The following KMT2C variants were observed in gnomAD, a reference collection of about 807,000 sequenced individuals.
KMT2C encodes histone-lysine N-methyltransferase 2C.
In KMT2C, 88 loss-of-function variants were observed where a neutral mutation model predicts 507.9. That is an observed-to-expected ratio of 0.17 (90% CI 0.15 to 0.21). The LOEUF (loss-of-function observed/expected upper bound fraction) is 0.21, where lower values mean the gene tolerates loss of function less well. Among genes scored for constraint, KMT2C ranks in the 10% least tolerant of loss-of-function variants. The probability of loss-of-function intolerance (pLI) is 1.00; values close to 1 mark genes in which losing one functional copy is unlikely to be tolerated. For synonymous variants in KMT2C, 2,049 were observed against 2,080.8 expected, an observed-to-expected ratio of 0.98 and a Z score of 0.42; for missense variants, 4,954 against 5,957.8, an observed-to-expected ratio of 0.83 and a Z score of 5.55.
intron 37 of KMT2C, among the ~76,000 whole-genome samples, chr7:152,179,013 CAG>C (rs910893900): frequency 5.3e-5 from 8 of 152,142 alleles, no homozygotes; most frequent in Non-Finnish European, 1.2e-4. Flanking sequence ...TAAATTGAGA[CAG>C]AGTCTCGTTC....
intron 6 of KMT2C, among the ~76,000 whole-genome samples, chr7:152,300,259 G>A (rs1243677153): frequency 6.6e-6 from 1 of 152,224 alleles, no homozygotes; most frequent in Non-Finnish European, 1.5e-5. Context: ...GGGTCTGTCT[G>A]TTTGCACAGT....
chr7:152,400,782 T>G (rs2097567596), intron 1 of KMT2C, among the ~76,000 whole-genome samples: 1 of 149,464 alleles, frequency 6.7e-6, no homozygotes, highest in Non-Finnish European at 1.5e-5. Context: ...ATAACAGTAG[T>G]AGCACTGTGC....
chr7:152,228,162 T>C (rs2094992139), intron 18 of KMT2C, among the ~76,000 whole-genome samples: 1 of 152,256 alleles, frequency 6.6e-6, no homozygotes, highest in Non-Finnish European at 1.5e-5. Flanking sequence ...TTCTGTAGTC[T>C]TGTGTTATAA....
At chr7:152,253,823 C>T (rs918089082) in intron 9 of KMT2C, among the ~76,000 whole-genome samples, 3 of 152,018 alleles carry the variant, frequency 2.0e-5, no homozygotes, top group Non-Finnish European at 2.9e-5. Context: ...CTATCCTTAC[C>T]AAATTAGAAT....
intron 6 of KMT2C, among the ~76,000 whole-genome samples, chr7:152,301,015 G>A (rs1020222665): frequency 6.6e-6 from 1 of 151,584 alleles, no homozygotes; most frequent in Non-Finnish European, 1.5e-5. Context: ...CCGAGATCGC[G>A]CCACTGCACT....
At position 152,139,257 on chromosome 7, in the gene KMT2C, G is replaced by C; in HGVS notation, c.14463C>G (p.Asn4821Lys). Residue 4821 changes from asparagine to lysine, a missense_variant and splice_region_variant, in exon 57 of 59, where the codon AAC becomes AAG. Physicochemically the swap from Asn to Lys is moderately conservative, Grantham distance 94 (BLOSUM62 0). Around this residue, in one of 29 missense-constraint regions of KMT2C, gnomAD observed 133 missense variants for 258.9 expected, o/e 0.51. Transcript: ENST00000262189. ...NRKEKLYESQ[N>K]RGVYMFRMDN... ...CCATGCGGAACATGTACACACCACG[G>C]TTCTGAGGGAAAAGTCAGTCAGTAA... 1 of 1,613,294 alleles carries C rather than the reference G, an allele frequency of 6.2e-7. No homozygotes were observed. The highest frequency in any genetic ancestry group is 8.5e-7 in the Non-Finnish European group (1 of 1,179,978).
intron 9 of KMT2C, among the ~76,000 whole-genome samples, chr7:152,255,212 G>A (rs1348787657): frequency 6.9e-6 from 1 of 145,388 alleles, no homozygotes; most frequent in African/African-American, 2.5e-5. Context: ...TGTAGCCCAG[G>A]CTGGAATACA....
In KMT2C at chr7:152,177,812, T is replaced by G. The variant is rs765312453; in HGVS notation, c.7641A>C (p.Pro2547=). ...GGCCCAGTATGTTGTGCTGCTGAACTGGCAAGCTCTGTGGTGAAAAATGCT... is the reference window on the plus strand; with the variant it reads ...GGCCCAGTATGTTGTGCTGCTGAACGGGCAAGCTCTGTGGTGAAAAATGCT... ...LPQHFSPQSL[P]VQQHNILGQA... is the part of the protein sequence containing the mutation. The change falls in exon 38 of 59, where the codon CCA becomes CCC. Residue 2547 remains proline (P), a synonymous_variant. Transcript: ENST00000262189. 3.7e-6 allele frequency: 6 copies of G among 1,613,862 alleles called. No homozygotes were observed. The Admixed American group carries it at 1.0e-4, about 27-fold the overall frequency.
At chr7:152,159,502 T>G (rs1284364945) in intron 43 of KMT2C, among the ~76,000 whole-genome samples, 1 of 152,130 alleles carries the variant, frequency 6.6e-6, no homozygotes, top group Admixed American at 6.5e-5. Context: ...ATATGAGGTG[T>G]GCTGAAACAA....
In KMT2C at chr7:152,382,422, AAC is replaced by A. The variant is rs756557832; in HGVS notation, c.162-23749_162-23748del. Reference sequence around the variant, plus strand: ...AATCTACCATCTTTTCAAAAACCCAAACACAGAGTCACCTCAGTCACCATTAC... The same window carrying A: ...AATCTACCATCTTTTCAAAAACCCAAACAGAGTCACCTCAGTCACCATTAC... On this transcript the variant is annotated intron_variant, in intron 1 of 58. Coordinates refer to ENST00000262189, the MANE Select transcript of KMT2C (RefSeq NM_170606.3). Among the ~76,000 whole-genome samples, 229 of 152,174 alleles carry A rather than the reference AAC, an allele frequency of 1.5e-3. 1 individual carries two copies. Among genetic ancestry groups the A allele is most frequent in the African/African-American group, 5.3e-3 (219 of 41,546 alleles).
chr7:152,286,734 T>C (rs1460390181), intron 6 of KMT2C, among the ~76,000 whole-genome samples: 1 of 151,836 alleles, frequency 6.6e-6, no homozygotes, highest in South Asian at 2.1e-4. Flanking sequence ...GCAGACCAAT[T>C]AGGGCTTCAG....
In KMT2C at chr7:152,162,269, C is replaced by T. The variant is rs776903756; in HGVS notation, c.11308G>A (p.Gly3770Arg). 6.2e-7 allele frequency: 1 copy of T among 1,614,164 alleles called. No homozygotes were observed. The highest frequency in any genetic ancestry group is 8.5e-7 in the Non-Finnish European group (1 of 1,180,014). ...PHSAGAPAAK[G>R]DSGNELLKHL... ...TTCAGAAGTTCATTCCCTGAGTCTCCTTTGGCAGCAGGGGCCCCAGCAGAA... is the reference window on the plus strand; with the variant it reads ...TTCAGAAGTTCATTCCCTGAGTCTCTTTTGGCAGCAGGGGCCCCAGCAGAA... Residue 3770 changes from glycine to arginine, a missense_variant, in exon 43 of 59, where the codon GGA becomes AGA. Transcript: ENST00000262189.
At chr7:152,266,071 T>A (rs1298960945) in intron 7 of KMT2C, among the ~76,000 whole-genome samples, 5 of 152,412 alleles carry the variant, frequency 3.3e-5, no homozygotes, top group Non-Finnish European at 5.9e-5. Context: ...TGCCTGTATA[T>A]AACAAGTATC....
rs145169035 is a variant in KMT2C, at chr7:152,386,011, C to T, written c.162-27336G>A. 6.2e-3 allele frequency among the ~76,000 whole-genome samples: 947 copies of T among 151,850 alleles called. 8 individuals are homozygous for T. Among genetic ancestry groups the T allele is most frequent in the African/African-American group, 0.022 (922 of 41,396 alleles). On this transcript the variant is annotated intron_variant, in intron 1 of 58. Coordinates refer to ENST00000262189, the MANE Select transcript of KMT2C (RefSeq NM_170606.3). ...GCTGAGGCAGGAGAAGTGCTTGAAC[C>T]TGAGAGGCGAGGTTGCAGTGAGCTG...
intron 23 of KMT2C, among the ~76,000 whole-genome samples, chr7:152,218,268 A>G (rs188210911): frequency 2.6e-5 from 4 of 152,126 alleles, no homozygotes; most frequent in Admixed American, 1.3e-4. Flanking sequence ...GGGTTCAAGC[A>G]ATCCTCTGCC....
Position 152,248,546 on chromosome 7 carries a change from T to C in KMT2C, c.1888A>G (p.Met630Val), listed in dbSNP as rs1406885279. The change falls in exon 14 of 59, where the codon ATG (methionine) becomes GTG (valine). Residue 630 changes from methionine (M) to valine (V), a missense_variant. Coordinates refer to ENST00000262189, the MANE Select transcript of KMT2C (RefSeq NM_170606.3). ...CAAATATGCTTCACTTCAGAAGACA[T>C]TTTCAGGTCTTCACTATCAACTTCA... ...SNEVDSEDLK[M>V]SSEVKHICGE... 3 of 1,614,022 alleles carry C rather than the reference T, an allele frequency of 1.9e-6. No homozygotes were observed. Among genetic ancestry groups the C allele is most frequent in the East Asian group, 2.2e-5 (1 of 44,868 alleles).
chr7:152,271,007 C>A (rs1481513275), intron 7 of KMT2C, among the ~76,000 whole-genome samples: 1 of 152,154 alleles, frequency 6.6e-6, no homozygotes, highest in Non-Finnish European at 1.5e-5. Flanking sequence ...TAGGAAGCAA[C>A]AGAAAATACA....
chr7:152,147,689 A>G (rs1298148064), intron 52 of KMT2C, among the ~76,000 whole-genome samples: 2 of 149,428 alleles, frequency 1.3e-5, no homozygotes, highest in Non-Finnish European at 3.0e-5. Context: ...CCTGTGCAAC[A>G]AAAGAGAAAC....
rs1563265896 is a variant in KMT2C at position 152,178,020 on chromosome 7, A to ATT, written c.7443-11_7443-10insAA. On this transcript the variant is annotated splice_polypyrimidine_tract_variant and intron_variant, in intron 37 of 58. Transcript: ENST00000262189. The stretch of plus-strand genomic sequence containing the variant: ...TCCTGGAAATCCAAATCTTTTAAAA[A>ATT]AAAAAAAAAAAAAAAAAAAAAAGCA... The ATT allele has an allele frequency of 7.5e-7, 1 of 1,325,350 alleles. No individual in the cohort carries two copies. Among genetic ancestry groups the ATT allele is most frequent in the African/African-American group, 1.9e-5 (1 of 51,296 alleles). The allele number at this position is 1,325,350 out of a possible 1,614,324, so 82.1% of individuals were successfully genotyped here.
Sources: allele counts gnomAD v4.1 joint callset (sites outside exome capture counted in the v4.1 genomes callset), GRCh38; gene constraint gnomAD v4.1.1; regional missense constraint gnomAD v4.1.1; transcripts MANE v1.5; gene names NCBI Gene and HGNC (gene_info 2026-07-23, HGNC 2026-07-21).